Variants in COL12A1 observed in about 807,000 individuals in gnomAD.
The protein encoded by COL12A1 is collagen alpha-1(XII) chain.
Under a neutral mutation model 349.7 loss-of-function variants are expected in COL12A1, and 114 were observed. That is an observed-to-expected ratio of 0.33 (90% CI 0.28 to 0.38). The LOEUF (loss-of-function observed/expected upper bound fraction) is 0.38. Ranked by LOEUF, COL12A1 falls within the 10% of genes least tolerant of loss-of-function variation. COL12A1 has a pLI of 1.00. For synonymous variants in COL12A1, 1,369 were observed against 1,329.0 expected, an observed-to-expected ratio of 1.03 and a Z score of -0.66; for missense variants, 3,284 against 3,756.9, an observed-to-expected ratio of 0.87 and a Z score of 3.29.
chr6:75,124,519 A>C, intron 40 of COL12A1, 148 bp from the exon 41 acceptor site: 1 of 553,578 alleles, frequency 1.8e-6, no homozygotes, highest in South Asian at 2.9e-5. Flanking sequence ...TACATGAATC[A>C]TATTTAAAAA....
intron 12 of COL12A1, among the ~76,000 whole-genome samples, chr6:75,177,407 G>C (rs938000607): frequency 6.6e-6 from 1 of 151,624 alleles, no homozygotes; most frequent in Non-Finnish European, 1.5e-5. Context: ...CTCCAGCTTG[G>C]GCAACAGAGA....
In COL12A1 at chr6:75,180,150, C is replaced by T. The variant is rs145682932; in HGVS notation, c.2164+789G>A. Among the ~76,000 whole-genome samples, 692 of 152,298 alleles carry T rather than the reference C, an allele frequency of 4.5e-3. 2 individuals carry two copies. Among genetic ancestry groups the T allele is most frequent in the Non-Finnish European group, 6.2e-3 (422 of 68,018 alleles). ...CATCTTAAAAGATATGTGGTGTATA[C>T]ATACAGTGGAATATTATTCAACCAT... is the stretch of plus-strand genomic sequence containing the variant. On this transcript the variant is annotated intron_variant, in intron 11 of 65. Coordinates refer to ENST00000322507, the MANE Select transcript of COL12A1 (RefSeq NM_004370.6).
At position 75,108,144 on chromosome 6, in the gene COL12A1, A is replaced by G. The variant is rs534898127; in HGVS notation, c.8100+874T>C. Among the ~76,000 whole-genome samples the G allele has an allele frequency of 1.6e-4, 24 of 152,174 alleles. No individual in the cohort carries two copies. The South Asian group carries it at 4.6e-3, about 29-fold the overall frequency. ...ACCCAGGCTGGAGTGCAGTGATGCCATCATAGCTCTCTGCAGCTGCAAATT... is the reference window on the plus strand; with the variant it reads ...ACCCAGGCTGGAGTGCAGTGATGCCGTCATAGCTCTCTGCAGCTGCAAATT... On this transcript the variant is annotated intron_variant, in intron 52 of 65. Transcript: ENST00000322507.
At chr6:75,096,890 C>T (rs1214513802) in intron 59 of COL12A1, among the ~76,000 whole-genome samples, 8 of 104,394 alleles carry the variant, frequency 7.7e-5, no homozygotes, top group Non-Finnish European at 1.2e-4. Context: ...AGCGAGACTC[C>T]GTCTCAAAAA....
Position 75,143,316 on chromosome 6 carries a change from G to T in COL12A1, c.4763C>A (p.Pro1588His). 6.2e-7 allele frequency: 1 copy of T among 1,613,908 alleles called. No homozygotes were observed. The highest frequency in any genetic ancestry group is 8.5e-7 in the Non-Finnish European group (1 of 1,179,936). ...THSTMNVFWE[P>H]VPGKVRKYIV... is the part of the protein sequence containing the mutation. ...ATATTTACGCACTTTTCCAGGCACA[G>T]GTTCCCAAAAGACATTCATAGTGCT... Residue 1588 changes from proline (P) to histidine (H), a missense_variant, in exon 26 of 66, where the codon CCT becomes CAT. Physicochemically the swap from Pro to His is moderately conservative, Grantham distance 77 (BLOSUM62 -2). Around this residue, in one of 2 missense-constraint regions of COL12A1, gnomAD observed 2,601 missense variants for 2,824.8 expected, o/e 0.92. Coordinates refer to ENST00000322507, the MANE Select transcript of COL12A1 (RefSeq NM_004370.6).
chr6:75,111,023 TACAC>T (rs1157771452), intron 51 of COL12A1, among the ~76,000 whole-genome samples: 1 of 151,920 alleles, frequency 6.6e-6, no homozygotes, highest in Non-Finnish European at 1.5e-5. Context: ...CACATACACA[TACAC>T]ACAATGGTAA....
chr6:75,164,105 A>G (rs1414286295), intron 14 of COL12A1, among the ~76,000 whole-genome samples: 4 of 152,194 alleles, frequency 2.6e-5, no homozygotes, highest in Non-Finnish European at 2.9e-5. Context: ...CAGCCAATAT[A>G]TTCCAGACAC....
intron 30 of COL12A1, 28 bp from the exon 31 acceptor site, chr6:75,137,607 T>G: frequency 6.2e-7 from 1 of 1,612,850 alleles, no homozygotes; most frequent in Non-Finnish European, 8.5e-7. Context: ...AAAAACTGAG[T>G]AAGCAGACAG....
chr6:75,134,685 G>A (rs1048492318), intron 32 of COL12A1, 41 bp downstream of exon 32: 1 of 1,518,064 alleles, frequency 6.6e-7, no homozygotes, highest in East Asian at 2.3e-5. Flanking sequence ...CATTCTAATA[G>A]TAGCTATTAA....
chr6:75,179,273 G>C (rs891383912), intron 11 of COL12A1, among the ~76,000 whole-genome samples: 8 of 152,154 alleles, frequency 5.3e-5, no homozygotes, highest in Non-Finnish European at 1.0e-4. Flanking sequence ...CCAAAAACTA[G>C]AGTGTGTATG....
rs1378927893 is a variant in COL12A1, at chr6:75,165,560, G to T, written c.2930C>A (p.Ala977Asp). The T allele has an allele frequency of 6.2e-7, 1 of 1,613,908 alleles. No individual in the cohort carries two copies. The highest frequency in any genetic ancestry group is 1.1e-5 in the South Asian group (1 of 91,078). Residue 977 changes from alanine to aspartate, a missense_variant, in exon 14 of 66, where the codon GCC (alanine) becomes GAC (aspartate). Around this residue, in one of 2 missense-constraint regions of COL12A1, gnomAD observed 2,601 missense variants for 2,824.8 expected, o/e 0.92. Transcript: ENST00000322507. Reference sequence around the variant, plus strand: ...TTCTCCTTCTCCACTGCTGTAAGTGGCAAATACTGAAATTCTGTATTTGGT... The same window carrying T: ...TTCTCCTTCTCCACTGCTGTAAGTGTCAAATACTGAAATTCTGTATTTGGT... Reference protein sequence around the residue: ...PETKYRISVFATYSSGEGEPL... With the variant: ...PETKYRISVFDTYSSGEGEPL...
chr6:75,128,154 C>G, intron 38 of COL12A1, 142 bp downstream of exon 38: 1 of 692,774 alleles, frequency 1.4e-6, no homozygotes, highest in Non-Finnish European at 2.1e-6. Context: ...AATTTAATGT[C>G]TAATAAAAAT....
rs1768516418 is a variant in COL12A1 at position 75,105,786 on chromosome 6, T to C, written c.8179-494A>G. ...CTTTCACTCAATAATATAGTATATA[T>C]GTCCTTATTAATTCTTTCTCTCCCA... On this transcript the variant is annotated intron_variant, in intron 53 of 65. Transcript: ENST00000322507. 2.6e-5 allele frequency among the ~76,000 whole-genome samples: 4 copies of C among 152,326 alleles called. No individual in the cohort carries two copies. The South Asian group carries it at 6.2e-4, about 24-fold the overall frequency.
Position 75,155,725 on chromosome 6 carries a change from T to C in COL12A1, c.3380A>G (p.Asp1127Gly). 6.2e-7 allele frequency: 1 copy of C among 1,613,072 alleles called. No homozygotes were observed. The highest frequency in any genetic ancestry group is 1.1e-5 in the South Asian group (1 of 90,870). ...AACCACTAACTCCCCCAGTCTTCTG[T>C]CATCCCCCGTAGGGTGGAATGTGAC... ...YKVTFHPTGDDRRLGELVVGP... is the reference protein window; with the variant it reads ...YKVTFHPTGDGRRLGELVVGP... Residue 1127 changes from aspartate to glycine, a missense_variant, in exon 16 of 66, where the codon GAC (aspartate) becomes GGC (glycine). By Grantham distance (94) the Asp-to-Gly change is moderately conservative. Transcript: ENST00000322507.
At chr6:75,191,156 T>C (rs1401422169) in intron 5 of COL12A1, among the ~76,000 whole-genome samples, 1 of 151,994 alleles carries the variant, frequency 6.6e-6, no homozygotes, top group East Asian at 1.9e-4. Context: ...CACCAATTTA[T>C]AAGAGGTGTG....
At chr6:75,136,267 C>A (rs2149392426) in intron 31 of COL12A1, among the ~76,000 whole-genome samples, 1 of 152,230 alleles carries the variant, frequency 6.6e-6, no homozygotes, top group South Asian at 2.1e-4. Flanking sequence ...GTCTTATTTT[C>A]ATATAAATGT....
intron 51 of COL12A1, 45 bp from the exon 52 acceptor site, chr6:75,109,212 A>T (rs1562130285): frequency 7.2e-7 from 1 of 1,387,292 alleles, no homozygotes; most frequent in East Asian, 2.4e-5. Context: ...TACACTAAAA[A>T]AATTAGCTGA....
Position 75,131,081 on chromosome 6 carries a change from C to G in COL12A1, c.5938-100G>C, listed in dbSNP as rs1386706711. On this transcript the variant is annotated intron_variant, in intron 35 of 65. Coordinates refer to ENST00000322507, the MANE Select transcript of COL12A1 (RefSeq NM_004370.6). ...ATAGTATTTATAATAAAATGTTGAG[C>G]CCAGACACATCAGAAGCCAACTGTG... The G allele has an allele frequency of 1.1e-5, 16 of 1,482,524 alleles. No individual in the cohort carries two copies. The South Asian group carries it at 1.8e-4, about 17-fold the overall frequency. 91.8% of individuals were successfully genotyped at this position (1,482,524 alleles called of 1,614,324 possible).
In COL12A1 at chr6:75,165,539, C is replaced by T. The variant is rs376514006; in HGVS notation, c.2951G>A (p.Gly984Glu). 9.4e-5 allele frequency: 152 copies of T among 1,613,786 alleles called. No homozygotes were observed. The highest frequency in any genetic ancestry group is 1.3e-4 in the Non-Finnish European group (149 of 1,179,872). ...SVFATYSSGE[G>E]EPLTGDATTE... ...TGTGGCATCTCCAGTCAAAGGTTCT[C>T]CTTCTCCACTGCTGTAAGTGGCAAA... The change falls in exon 14 of 66, where the codon GGA (glycine) becomes GAA (glutamate). Residue 984 changes from glycine to glutamate, a missense_variant. Transcript: ENST00000322507.
Sources: allele counts gnomAD v4.1 joint callset (sites outside exome capture counted in the v4.1 genomes callset), GRCh38; gene constraint gnomAD v4.1.1; regional missense constraint gnomAD v4.1.1; transcripts MANE v1.5; gene names NCBI Gene and HGNC (gene_info 2026-07-23, HGNC 2026-07-21).